Variants in VCL observed in about 807,000 individuals in gnomAD.
VCL encodes vinculin, also known as epididymis luminal protein 114.
VCL carries 47 observed loss-of-function variants against 125.7 expected under a neutral mutation model. The ratio of observed to expected loss-of-function variants is 0.37; its 90% CI spans 0.30 to 0.48. The LOEUF is 0.48. Among genes scored for constraint, VCL ranks in the 20% least tolerant of loss-of-function variants. VCL has a pLI of 0.99. For synonymous variants in VCL, 458 were observed against 514.6 expected, an observed-to-expected ratio of 0.89 and a Z score of 1.49; for missense variants, 1,069 against 1,455.5, an observed-to-expected ratio of 0.73 and a Z score of 4.32.
chr10:74,000,869 A>G (rs1046191233), intron 1 of VCL, among the ~76,000 whole-genome samples: 1 of 152,262 alleles, frequency 6.6e-6, no homozygotes, highest in Non-Finnish European at 1.5e-5. Context: ...TCCAACACAT[A>G]CAAAAGAGGG....
At chr10:74,008,511 T>G (rs1365385152) in intron 1 of VCL, among the ~76,000 whole-genome samples, 1 of 152,204 alleles carries the variant, frequency 6.6e-6, no homozygotes, top group Non-Finnish European at 1.5e-5. Context: ...GATGTTGATA[T>G]ATTATTTGGA....
intron 17 of VCL, among the ~76,000 whole-genome samples, chr10:74,108,536 G>A (rs1840173111): frequency 1.3e-5 from 2 of 151,852 alleles, no homozygotes; most frequent in Non-Finnish European, 2.9e-5. Flanking sequence ...CTGGAGCGCA[G>A]TGGCATGATC....
At chr10:74,024,631 T>C (rs1337420902) in intron 1 of VCL, among the ~76,000 whole-genome samples, 1 of 152,074 alleles carries the variant, frequency 6.6e-6, no homozygotes, top group Non-Finnish European at 1.5e-5. Context: ...AAAAAGACTT[T>C]TGCCATTGTG....
intron 6 of VCL, among the ~76,000 whole-genome samples, chr10:74,081,825 G>C (rs1246809933): frequency 1.6e-4 from 24 of 152,214 alleles, no homozygotes. Context: ...AGGGAACTAA[G>C]AAGGAGGAAT....
intron 5 of VCL, among the ~76,000 whole-genome samples, chr10:74,074,469 T>G (rs1326786740): frequency 6.6e-6 from 1 of 152,246 alleles, no homozygotes; most frequent in African/African-American, 2.4e-5. Context: ...AGATATTTTG[T>G]GATTGCAGGT....
chr10:74,076,528 A>G (rs983069447), intron 6 of VCL: 1 of 152,342 alleles, frequency 6.6e-6, no homozygotes. Flanking sequence ...CTATCTCTGT[A>G]CCTGCCTCTC....
rs113763423 is a variant in VCL, at chr10:74,023,446, T to C, written c.169-19637T>C. On this transcript the variant is annotated intron_variant, in intron 1 of 21. Transcript: ENST00000211998. ...GTCTAAAAGCACATTTCTCAGAATATATCCCTGTCATTAAGCAATGTATGA... is the reference window on the plus strand; with the variant it reads ...GTCTAAAAGCACATTTCTCAGAATACATCCCTGTCATTAAGCAATGTATGA... 6.6e-5 allele frequency among the ~76,000 whole-genome samples: 10 copies of C among 152,378 alleles called. 2 individuals are homozygous for C. Among genetic ancestry groups the C allele is most frequent in the African/African-American group, 2.4e-4 (10 of 41,592 alleles).
At chr10:74,107,668 G>A (rs950899628) in intron 17 of VCL, among the ~76,000 whole-genome samples, 2 of 152,112 alleles carry the variant, frequency 1.3e-5, no homozygotes, top group African/African-American at 4.8e-5. Context: ...GTAGTGCATT[G>A]TGGTAAAATA....
intron 2 of VCL, among the ~76,000 whole-genome samples, chr10:74,050,517 T>C (rs1841280454): frequency 6.6e-6 from 1 of 152,204 alleles, no homozygotes; most frequent in East Asian, 1.9e-4. Flanking sequence ...TCTTTTGACC[T>C]AAAGTAATGA....
Position 73,998,164 on chromosome 10 carries a change from T to C in VCL, c.-44T>C, listed in dbSNP as rs1840150272. 2 of 1,601,718 alleles carry C rather than the reference T, an allele frequency of 1.2e-6. No individual in the cohort carries two copies. Among genetic ancestry groups the C allele is most frequent in the East Asian group, 4.5e-5 (2 of 44,158 alleles). ...CGCCGGTTCCCGGCCCCGTGGATCC[T>C]ACTTCTCTGTCGCCCGCGGTTCGCC... On this transcript the variant is annotated 5_prime_UTR_variant, in exon 1 of 22. Coordinates refer to ENST00000211998, the MANE Select transcript of VCL (RefSeq NM_014000.3).
intron 10 of VCL, among the ~76,000 whole-genome samples, chr10:74,091,061 A>C (rs993979147): frequency 3.3e-5 from 5 of 152,160 alleles, no homozygotes; most frequent in Admixed American, 3.3e-4. Context: ...TCAGCTTTCC[A>C]AAGTTTTGGG....
intron 1 of VCL, among the ~76,000 whole-genome samples, chr10:74,032,709 A>AAAAT (rs1554814001): frequency 2.2e-5 from 3 of 138,070 alleles, no homozygotes; most frequent in South Asian, 2.2e-4. Context: ...CAAAAAAAAA[A>AAAAT]ATATATATAT....
chr10:74,017,413 C>CCATTGATGACATTTGGA (rs1160984163), intron 1 of VCL, among the ~76,000 whole-genome samples: 1 of 152,084 alleles, frequency 6.6e-6, no homozygotes, highest in Non-Finnish European at 1.5e-5. Context: ...ACCCATTCAT[C>CCATTGATGACATTTGGA]CATTGATGGA....
chr10:74,094,460 C>A lies in VCL; in HGVS notation c.1542C>A (p.Val514=), dbSNP rs7904077. Residue 514 remains valine, a splice_region_variant and synonymous_variant, in exon 11 of 22, where the codon GTC becomes GTA. Coordinates refer to ENST00000211998, the MANE Select transcript of VCL (RefSeq NM_014000.3). The part of the protein sequence containing the change: ...IDNPTVDDRG[V]GQAAIRGLVA... ...ATCCCACAGTGGATGACCGTGGAGTCGGTAAGGGCAGCAGTGCACTATAAC... is the reference window on the plus strand; with the variant it reads ...ATCCCACAGTGGATGACCGTGGAGTAGGTAAGGGCAGCAGTGCACTATAAC... The A allele has an allele frequency of 6.2e-7, 1 of 1,613,322 alleles. No homozygotes were observed. Among genetic ancestry groups the A allele is most frequent in the South Asian group, 1.1e-5 (1 of 90,876 alleles).
chr10:74,061,808 C>T (rs1489252712), intron 2 of VCL, among the ~76,000 whole-genome samples: 5 of 151,920 alleles, frequency 3.3e-5, no homozygotes, highest in Non-Finnish European at 7.4e-5. Flanking sequence ...TAGTAATTCA[C>T]AGTGTATTTT....
At chr10:74,031,825 G>A (rs1247901602) in intron 1 of VCL, among the ~76,000 whole-genome samples, 1 of 152,110 alleles carries the variant, frequency 6.6e-6, no homozygotes, top group Non-Finnish European at 1.5e-5. Flanking sequence ...AGCACTTTGG[G>A]AGGCCGAGGC....
chr10:74,114,750 G>C, intron 20 of VCL, 45 bp from the exon 21 acceptor site: 3 of 1,554,518 alleles, frequency 1.9e-6, no homozygotes, highest in Non-Finnish European at 2.6e-6. Flanking sequence ...GGAGCTTGTG[G>C]GCAAGGCAAA....
At chr10:74,087,513 A>ATTTTTTTTTTT (rs1167937127) in intron 8 of VCL, among the ~76,000 whole-genome samples, 35 of 123,078 alleles carry the variant, frequency 2.8e-4, no homozygotes, top group Non-Finnish European at 3.7e-4. Flanking sequence ...CGCCTGGCTA[A>ATTTTTTTTTTT]TTTTTTTTTT....
chr10:74,040,281 C>T (rs1251651701), intron 1 of VCL, among the ~76,000 whole-genome samples: 3 of 152,074 alleles, frequency 2.0e-5, no homozygotes, highest in Non-Finnish European at 4.4e-5. Context: ...TTCTCTACTC[C>T]ATCTCTACTA....
Sources: allele counts gnomAD v4.1 joint callset (sites outside exome capture counted in the v4.1 genomes callset), GRCh38; gene constraint gnomAD v4.1.1; transcripts MANE v1.5; gene names NCBI Gene and HGNC (gene_info 2026-07-23, HGNC 2026-07-21).